Variants in DNAJC5 observed in about 807,000 individuals in gnomAD.
DNAJC5 encodes the protein DnaJ heat shock protein family (Hsp40) member C5.
Under a neutral mutation model 23.2 loss-of-function variants are expected in DNAJC5, and 1 was observed. The ratio of observed to expected loss-of-function variants is 0.04; its 90% CI spans 0.02 to 0.20. DNAJC5 has a LOEUF of 0.20. Ranked by LOEUF, DNAJC5 falls within the 10% of genes least tolerant of loss-of-function variation. The probability of loss-of-function intolerance (pLI) is 1.00; values close to 1 mark genes in which losing one functional copy is unlikely to be tolerated. For synonymous variants in DNAJC5, 136 were observed against 120.0 expected, an observed-to-expected ratio of 1.13 and a Z score of -0.87; for missense variants, 180 against 267.0, an observed-to-expected ratio of 0.67 and a Z score of 2.27.
chr20:63,928,074 C>T lies in DNAJC5; in HGVS notation c.-11-261C>T, dbSNP rs1215986588. The stretch of plus-strand genomic sequence containing the variant: ...AAGCGGTCCTCCCGCCTCAGCCTCC[C>T]AAAATGCTGGGACTACAGGTGTGAG... On this transcript the variant is annotated intron_variant, in intron 1 of 4. Transcript: ENST00000360864. This position sits in a 1 kb window ranked among gnomAD's most constrained non-coding sequence, Gnocchi z 4.6. 6.6e-6 allele frequency among the ~76,000 whole-genome samples: 1 copy of T among 152,194 alleles called. No individual in the cohort carries two copies. Among genetic ancestry groups the T allele is most frequent in the Admixed American group, 6.5e-5 (1 of 15,272 alleles).
chr20:63,896,746 A>G (rs2053378187), intron 1 of DNAJC5, among the ~76,000 whole-genome samples: 2 of 152,104 alleles, frequency 1.3e-5, no homozygotes, highest in African/African-American at 4.8e-5. Flanking sequence ...ATCATACTTA[A>G]TATTTTACTG....
chr20:63,919,608 ACCCGGCTGTGTG>A (rs1450086450), intron 1 of DNAJC5: 1 of 214,790 alleles, frequency 4.7e-6, no homozygotes, highest in East Asian at 1.2e-4. Context: ...AAGAGGACGC[ACCCGGCTGTGTG>A]CACATGTGCC....
intron 1 of DNAJC5, among the ~76,000 whole-genome samples, chr20:63,911,861 A>G (rs2053484676): frequency 6.6e-6 from 1 of 151,578 alleles, no homozygotes; most frequent in East Asian, 2.0e-4. Flanking sequence ...TTTTTTTTTA[A>G]TAGAGATGGG....
At chr20:63,899,548 C>G (rs1325947207) in intron 1 of DNAJC5, among the ~76,000 whole-genome samples, 4 of 152,222 alleles carry the variant, frequency 2.6e-5, no homozygotes, top group African/African-American at 9.6e-5. Context: ...ATTGATATTT[C>G]AAATTGAAAT....
rs1344927302 is a variant in DNAJC5 at position 63,935,558 on chromosome 20, TTC to T, written c.*3992_*3993del. The T allele has an allele frequency of 2.6e-5, 4 of 152,262 alleles. No individual in the cohort carries two copies. Among genetic ancestry groups the T allele is most frequent in the African/African-American group, 9.7e-5 (4 of 41,448 alleles). 9.4% of individuals were successfully genotyped at this position (152,262 alleles called of 1,614,324 possible). ...CTGCCTTGAAACATGAAAGCTGATT[TTC>T]TGAGCAGCAGATACGGTCAGTGGCA... On this transcript the variant is annotated 3_prime_UTR_variant, in exon 5 of 5. Transcript: ENST00000360864.
intron 1 of DNAJC5, among the ~76,000 whole-genome samples, chr20:63,917,775 T>G (rs2053525378): frequency 6.6e-6 from 1 of 152,170 alleles, no homozygotes. Flanking sequence ...CAGGCTGGTC[T>G]TGAACTCCTG....
intron 1 of DNAJC5, among the ~76,000 whole-genome samples, chr20:63,909,680 CAAAGAAAGAA>C (rs919741763): frequency 9.2e-5 from 14 of 152,280 alleles, no homozygotes; most frequent in African/African-American, 2.6e-4. Context: ...GACTCCGTCT[CAAAGAAAGAA>C]AAAGAAAGAA....
In DNAJC5 at chr20:63,920,433, C is replaced by A. The variant is rs1468464552; in HGVS notation, c.-11-7902C>A. ...CGCCAACGTCTGGTGGGGATGCCCG[C>A]CATGCGGGGGCCTCAGGCTACAGCC... is the stretch of plus-strand genomic sequence containing the variant. On this transcript the variant is annotated intron_variant, in intron 1 of 4. Transcript: ENST00000360864. This position sits in a 1 kb window ranked among gnomAD's most constrained non-coding sequence, Gnocchi z 4.6. 1.3e-5 allele frequency among the ~76,000 whole-genome samples: 1 copy of A among 79,876 alleles called. No homozygotes were observed. The highest frequency in any genetic ancestry group is 2.2e-5 in the Non-Finnish European group (1 of 46,122). 52.4% of individuals were successfully genotyped at this position (79,876 alleles called of 152,430 possible).
chr20:63,917,313 G>GGT lies in DNAJC5; in HGVS notation c.-11-11018_-11-11017dup, dbSNP rs1479935491. ...CTCTGTTGCCCAGGCTGGAATACAT[G>GGT]GTGTGATCTTGGCTCACTGCAGCCG... On this transcript the variant is annotated intron_variant, in intron 1 of 4. Transcript: ENST00000360864. Among the ~76,000 whole-genome samples the GGT allele has an allele frequency of 2.7e-5, 4 of 147,052 alleles. No individual in the cohort carries two copies. The East Asian group carries it at 8.1e-4, about 30-fold the overall frequency.
intron 1 of DNAJC5, among the ~76,000 whole-genome samples, chr20:63,909,782 C>G (rs572212419): frequency 6.6e-6 from 1 of 152,346 alleles, no homozygotes; most frequent in East Asian, 1.9e-4. Context: ...GAAGTATGTC[C>G]AGACTCATCT....
chr20:63,929,366 G>A lies in DNAJC5; in HGVS notation c.162G>A (p.Ala54=), dbSNP rs781164296. ...AGAACCCCGACAACCCGGAGGCCGC[G>A]GACAAGTTTAAGGAGATCAACAACG... ...PDKNPDNPEA[A]DKFKEINNAH... Residue 54 remains alanine (A), a synonymous_variant, in exon 3 of 5, where the codon GCG becomes GCA. Transcript: ENST00000360864. This position sits in a 1 kb window ranked among gnomAD's most constrained non-coding sequence, Gnocchi z 8.6. 2.2e-5 allele frequency: 35 copies of A among 1,613,990 alleles called. No homozygotes were observed. Among genetic ancestry groups the A allele is most frequent in the African/African-American group, 2.7e-5 (2 of 74,908 alleles).
intron 1 of DNAJC5, among the ~76,000 whole-genome samples, chr20:63,902,520 C>T (rs2053420382): frequency 6.6e-6 from 1 of 151,584 alleles, no homozygotes; most frequent in African/African-American, 2.4e-5. Flanking sequence ...AGGCGTGTGC[C>T]ACCACACCCA....
intron 1 of DNAJC5, among the ~76,000 whole-genome samples, chr20:63,917,528 T>C (rs1600870641): frequency 6.6e-6 from 1 of 151,806 alleles, no homozygotes; most frequent in Non-Finnish European, 1.5e-5. Context: ...TCTGGGATTA[T>C]AGGCATGAGC....
In DNAJC5 at chr20:63,920,766, C is replaced by T. The variant is rs773570980; in HGVS notation, c.-11-7569C>T. On this transcript the variant is annotated intron_variant, in intron 1 of 4. Coordinates refer to ENST00000360864, the MANE Select transcript of DNAJC5 (RefSeq NM_025219.3). This position sits in a 1 kb window ranked among gnomAD's most constrained non-coding sequence, Gnocchi z 4.6. ...GATCTCGGCTCACTGCAACCTCCCC[C>T]TCGAGGGTTCAAGCGATTCTCCTGC... Among the ~76,000 whole-genome samples, 3 of 151,706 alleles carry T rather than the reference C, an allele frequency of 2.0e-5. No homozygotes were observed. The highest frequency in any genetic ancestry group is 4.8e-5 in the African/African-American group (2 of 41,254).
chr20:63,922,404 A>G (rs1388025582), intron 1 of DNAJC5, among the ~76,000 whole-genome samples: 2 of 151,002 alleles, frequency 1.3e-5, no homozygotes, highest in Non-Finnish European at 2.9e-5. Flanking sequence ...TGGAGGGTGC[A>G]TGGAGCCAAG....
At chr20:63,896,047 A>G (rs2146265882) in intron 1 of DNAJC5, among the ~76,000 whole-genome samples, 1 of 152,328 alleles carries the variant, frequency 6.6e-6, no homozygotes, top group East Asian at 1.9e-4. Flanking sequence ...AAAGGAAGCA[A>G]AAATTTCAGC....
At position 63,929,495 on chromosome 20, in the gene DNAJC5, C is replaced by G. The variant is rs768786863; in HGVS notation, c.291C>G (p.Thr97=). 1 of 1,614,104 alleles carries G rather than the reference C, an allele frequency of 6.2e-7. No individual in the cohort carries two copies. Among genetic ancestry groups the G allele is most frequent in the South Asian group, 1.1e-5 (1 of 91,076 alleles). Residue 97 remains threonine, a synonymous_variant, in exon 3 of 5, where the codon ACC becomes ACG. Coordinates refer to ENST00000360864, the MANE Select transcript of DNAJC5 (RefSeq NM_025219.3). This position sits in a 1 kb window ranked among gnomAD's most constrained non-coding sequence, Gnocchi z 8.6. ...AEQFGEENVN[T]YFVLSSWWAK... is the part of the protein sequence containing the mutation. ...AGTTTGGGGAAGAGAACGTGAACAC[C>G]TACTTCGTGCTGTCCAGCTGGTGGG...
rs376376541 is a variant in DNAJC5, at chr20:63,925,825, G to GTT, written c.-11-2491_-11-2490dup. 7.7e-4 allele frequency among the ~76,000 whole-genome samples: 96 copies of GTT among 123,942 alleles called. 1 individual carries two copies. The highest frequency in any genetic ancestry group is 1.1e-3 in the Non-Finnish European group (70 of 61,518). The allele number at this position is 123,942 out of a possible 152,430, so 81.3% of individuals were successfully genotyped here. A position where few individuals can be genotyped will look rare whatever the true frequency, so the allele number is the denominator to read the frequency against. ...AAATCTGGGCCTGGAATTTTATCTGGTTTTTTTTTTTTTTTTTTTTGAGAC... is the reference window on the plus strand; with the variant it reads ...AAATCTGGGCCTGGAATTTTATCTGGTTTTTTTTTTTTTTTTTTTTTTGAGAC... On this transcript the variant is annotated intron_variant, in intron 1 of 4. Transcript: ENST00000360864.
At chr20:63,901,282 T>G (rs2053409579) in intron 1 of DNAJC5, among the ~76,000 whole-genome samples, 1 of 152,248 alleles carries the variant, frequency 6.6e-6, no homozygotes, top group South Asian at 2.1e-4. Context: ...TGAGGCATTC[T>G]GTGCCTGTTA....
Sources: allele counts gnomAD v4.1 joint callset (sites outside exome capture counted in the v4.1 genomes callset), GRCh38; gene constraint gnomAD v4.1.1; non-coding constraint Gnocchi (gnomAD v3.1); transcripts MANE v1.5; gene names NCBI Gene and HGNC (gene_info 2026-07-23, HGNC 2026-07-21).